ZNF623: variants seen among roughly 807,000 people sequenced by gnomAD.
ZNF623 encodes zinc finger protein 623.
A neutral mutation model predicts 24.0 loss-of-function variants in ZNF623; 16 were observed. That is an observed-to-expected ratio of 0.67 (90% CI 0.45 to 1.01). The LOEUF (loss-of-function observed/expected upper bound fraction) is 1.01, where lower values mean the gene tolerates loss of function less well. Among genes scored for constraint, ZNF623 ranks in the 50% least tolerant of loss-of-function variants. The pLI, the probability that ZNF623 is intolerant of heterozygous loss-of-function variation, is 0.00. For missense variants in ZNF623, 566 were observed against 606.5 expected, an observed-to-expected ratio of 0.93 and a Z score of 0.70; for synonymous variants, 224 against 219.8, an observed-to-expected ratio of 1.02 and a Z score of -0.17.
At chr8:143,645,600 T>C (rs778123030) in intron 1 of ZNF623, among the ~76,000 whole-genome samples, 4 of 152,190 alleles carry the variant, frequency 2.6e-5, no homozygotes, top group Non-Finnish European at 5.9e-5. Flanking sequence ...TGTTTCGTTA[T>C]AACATCTATG....
At chr8:143,638,289 G>A (rs925343141) in intron 1 of ZNF623, among the ~76,000 whole-genome samples, 1 of 149,902 alleles carries the variant, frequency 6.7e-6, no homozygotes, top group Admixed American at 6.7e-5. Flanking sequence ...TGCAGTGAGT[G>A]GAGACCATGC....
chr8:143,651,407 G>T lies in ZNF623; in HGVS notation c.1415G>T (p.Gly472Val). 6.2e-7 allele frequency: 1 copy of T among 1,613,942 alleles called. No homozygotes were observed. Among genetic ancestry groups the T allele is most frequent in the Non-Finnish European group, 8.5e-7 (1 of 1,179,894 alleles). ...VKNNQRVHQEGLSLSKAPIHL... is the reference protein window; with the variant it reads ...VKNNQRVHQEVLSLSKAPIHL... ...AATAATCAAAGGGTTCACCAAGAGG[G>T]ACTCTCCTTGAGTAAGGCCCCCATA... The change falls in exon 2 of 2, where the codon GGA becomes GTA. Residue 472 changes from glycine (G) to valine (V), a missense_variant. Around this residue, in one of 3 missense-constraint regions of ZNF623, gnomAD observed 136 missense variants for 131.9 expected, o/e 1.03. Transcript: ENST00000526926.
chr8:143,642,201 C>T (rs770669157), intron 1 of ZNF623, among the ~76,000 whole-genome samples: 22 of 152,242 alleles, frequency 1.4e-4, no homozygotes, highest in African/African-American at 5.1e-4. Flanking sequence ...CCTTGCACTT[C>T]TATGTGTGGA....
intron 1 of ZNF623, among the ~76,000 whole-genome samples, chr8:143,645,123 C>G (rs565153494): frequency 8.8e-6 from 1 of 113,652 alleles, no homozygotes; most frequent in East Asian, 3.3e-4. Context: ...AGCAAAACTC[C>G]ATCTCAAAAA....
At chr8:143,636,439 C>T (rs908423464) in intron 1 of ZNF623, 2 of 152,456 alleles carry the variant, frequency 1.3e-5, no homozygotes, top group Non-Finnish European at 1.5e-5. Flanking sequence ...GTTCCCTCTC[C>T]TTCCCCCCGC....
At chr8:143,639,658 T>G (rs906276494) in intron 1 of ZNF623, among the ~76,000 whole-genome samples, 1 of 152,250 alleles carries the variant, frequency 6.6e-6, no homozygotes, top group Non-Finnish European at 1.5e-5. Context: ...CCTGGCCCAG[T>G]TTGAATTTAT....
In ZNF623 at chr8:143,651,318, T is replaced by G. The variant is rs1212996781; in HGVS notation, c.1326T>G (p.Thr442=). 6.2e-7 allele frequency: 1 copy of G among 1,614,212 alleles called. No individual in the cohort carries two copies. The highest frequency in any genetic ancestry group is 1.7e-5 in the Admixed American group (1 of 60,008). Residue 442 remains threonine, a synonymous_variant, in exon 2 of 2, where the codon ACT becomes ACG. Transcript: ENST00000526926. ...TCCTTCAACACCAGAAAATTCATACTGAAGAGAAGCTCTATGAATGTAGTC... is the reference window on the plus strand; with the variant it reads ...TCCTTCAACACCAGAAAATTCATACGGAAGAGAAGCTCTATGAATGTAGTC... The part of the protein sequence containing the change: ...SNFLQHQKIH[T]EEKLYECSQY...
chr8:143,646,632 CTGAAAT>C (rs1405558676), intron 1 of ZNF623, among the ~76,000 whole-genome samples: 1 of 151,894 alleles, frequency 6.6e-6, no homozygotes, highest in African/African-American at 2.4e-5. Context: ...TTTAATGTCT[CTGAAAT>C]TGAGTTGCCT....
Position 143,650,013 on chromosome 8 carries a change from G to A in ZNF623, c.21G>A (p.Glu7=). 1 of 1,614,202 alleles carries A rather than the reference G, an allele frequency of 6.2e-7. No homozygotes were observed. Among genetic ancestry groups the A allele is most frequent in the Non-Finnish European group, 8.5e-7 (1 of 1,180,028 alleles). ...CGGTGATGGAGCTCCCCTCTCCCGAGTCTGAGGAAGTCCACGAGCCCAGAT... is the reference window on the plus strand; with the variant it reads ...CGGTGATGGAGCTCCCCTCTCCCGAATCTGAGGAAGTCCACGAGCCCAGAT... MELPSP[E]SEEVHEPRLG... Residue 7 remains glutamate (E), a synonymous_variant, in exon 2 of 2, where the codon GAG becomes GAA. Coordinates refer to ENST00000526926, the MANE Select transcript of ZNF623 (RefSeq NM_001261843.2). This position sits in a 1 kb window ranked among gnomAD's most constrained non-coding sequence, Gnocchi z 5.2.
intron 1 of ZNF623, 32 bp from the exon 2 acceptor site, chr8:143,649,866 G>A: frequency 1.9e-6 from 3 of 1,594,338 alleles, no homozygotes; most frequent in Middle Eastern, 1.7e-4. Context: ...GTTAAGTAAG[G>A]GGAAAGATGA....
At chr8:143,649,734 G>C (rs548236632) in intron 1 of ZNF623, 164 bp from the exon 2 acceptor site, 36 of 798,660 alleles carry the variant, frequency 4.5e-5, no homozygotes, top group African/African-American at 4.5e-4. Flanking sequence ...TGTGGGACAG[G>C]CTTGGGTGTG....
chr8:143,639,412 G>A (rs778055403), intron 1 of ZNF623, among the ~76,000 whole-genome samples: 6 of 144,106 alleles, frequency 4.2e-5, no homozygotes, highest in Non-Finnish European at 7.6e-5. Context: ...TAGTAGAGAC[G>A]GGGGTTTCTC....
In ZNF623 at chr8:143,651,076, GTGTA is replaced by G; in HGVS notation, c.1087_1090del (p.Tyr363AsnfsTer112). The G allele has an allele frequency of 6.2e-7, 1 of 1,614,136 alleles. No individual in the cohort carries two copies. Among genetic ancestry groups the G allele is most frequent in the Non-Finnish European group, 8.5e-7 (1 of 1,180,022 alleles). On this transcript the variant is annotated frameshift_variant, in exon 2 of 2. Coordinates refer to ENST00000526926, the MANE Select transcript of ZNF623 (RefSeq NM_001261843.2). LOFTEE classifies it high-confidence loss of function. The stretch of plus-strand genomic sequence containing the variant: ...CCAGAAAATCCACACTGGAGAGAGA[GTGTA>G]TGAATGTAAGGAATGTGGGAAAGCG...
Position 143,651,316 on chromosome 8 carries a change from AC to A in ZNF623, c.1325del (p.Thr442MetfsTer34). 5 of 1,614,200 alleles carry A rather than the reference AC, an allele frequency of 3.1e-6. No homozygotes were observed. The highest frequency in any genetic ancestry group is 4.2e-6 in the Non-Finnish European group (5 of 1,180,040). ...SNFLQHQKIHTEEKLYECSQY... is the reference protein window; with the variant it reads ...SNFLQHQKIHXEEKLYECSQY... Reference sequence around the variant, plus strand: ...CTTCCTTCAACACCAGAAAATTCATACTGAAGAGAAGCTCTATGAATGTAGT... The same window carrying A: ...CTTCCTTCAACACCAGAAAATTCATATGAAGAGAAGCTCTATGAATGTAGT... On this transcript the variant is annotated frameshift_variant, in exon 2 of 2. Coordinates refer to ENST00000526926, the MANE Select transcript of ZNF623 (RefSeq NM_001261843.2). LOFTEE classifies it high-confidence loss of function.
chr8:143,643,692 G>C (rs1815110251), intron 1 of ZNF623, among the ~76,000 whole-genome samples: 1 of 152,232 alleles, frequency 6.6e-6, no homozygotes, highest in South Asian at 2.1e-4. Flanking sequence ...CCTTCCACCA[G>C]GGATTGGCTC....
At chr8:143,640,931 ACT>A (rs1299923544) in intron 1 of ZNF623, among the ~76,000 whole-genome samples, 1 of 134,986 alleles carries the variant, frequency 7.4e-6, no homozygotes, top group Non-Finnish European at 1.6e-5. Context: ...CGAGAGTGAA[ACT>A]CTGTCTTTAA....
At chr8:143,639,707 A>G (rs1010711722) in intron 1 of ZNF623, among the ~76,000 whole-genome samples, 1 of 152,220 alleles carries the variant, frequency 6.6e-6, no homozygotes, top group African/African-American at 2.4e-5. Context: ...TTTGAGTTGT[A>G]TATTAGCATT....
At position 143,642,396 on chromosome 8, in the gene ZNF623, C is replaced by T. The variant is rs145937648; in HGVS notation, c.-96+6251C>T. Among the ~76,000 whole-genome samples, 618 of 152,306 alleles carry T rather than the reference C, an allele frequency of 4.1e-3. 3 individuals are homozygous for T. Among genetic ancestry groups the T allele is most frequent in the Non-Finnish European group, 5.1e-3 (344 of 68,040 alleles). ...AGTTGTTGTTTTAATCTCTCCAGACCACTCAGACTTCTTCCACATCAGCAA... is the reference window on the plus strand; with the variant it reads ...AGTTGTTGTTTTAATCTCTCCAGACTACTCAGACTTCTTCCACATCAGCAA... On this transcript the variant is annotated intron_variant, in intron 1 of 1. Coordinates refer to ENST00000526926, the MANE Select transcript of ZNF623 (RefSeq NM_001261843.2).
intron 1 of ZNF623, among the ~76,000 whole-genome samples, chr8:143,639,444 G>C (rs59122866): frequency 0.061 from 9,224 of 152,010 alleles, 464 homozygotes; most frequent in East Asian, 0.22. Flanking sequence ...GGCTGGTCTC[G>C]AACTCCTGAC....
Sources: allele counts gnomAD v4.1 joint callset (sites outside exome capture counted in the v4.1 genomes callset), GRCh38; gene constraint gnomAD v4.1.1; regional missense constraint gnomAD v4.1.1; non-coding constraint Gnocchi (gnomAD v3.1); transcripts MANE v1.5; gene names NCBI Gene and HGNC (gene_info 2026-07-23, HGNC 2026-07-21).